DEPTOR: variants seen among roughly 807,000 people sequenced by gnomAD.
The protein encoded by DEPTOR is DEP domain containing MTOR interacting protein.
Under a neutral mutation model 41.6 loss-of-function variants are expected in DEPTOR, and 41 were observed. That is an observed-to-expected ratio of 0.98 (90% CI 0.77 to 1.28). The LOEUF is 1.28. Ranked by LOEUF, DEPTOR falls within the 50% of genes most tolerant of loss-of-function variation. The probability of loss-of-function intolerance (pLI) is 0.00; values close to 1 mark genes in which losing one functional copy is unlikely to be tolerated. For missense variants in DEPTOR, 514 were observed against 527.9 expected, an observed-to-expected ratio of 0.97 and a Z score of 0.26; for synonymous variants, 195 against 192.3, an observed-to-expected ratio of 1.01 and a Z score of -0.12.
At chr8:119,942,684 A>T (rs1052993951) in intron 3 of DEPTOR, among the ~76,000 whole-genome samples, 1 of 152,150 alleles carries the variant, frequency 6.6e-6, no homozygotes, top group African/African-American at 2.4e-5. Context: ...GTAATTTTTC[A>T]ACTTGATAGA....
chr8:119,932,385 G>T (rs1380616616), intron 3 of DEPTOR, among the ~76,000 whole-genome samples: 4 of 151,624 alleles, frequency 2.6e-5, no homozygotes, highest in Non-Finnish European at 5.9e-5. Flanking sequence ...AACTGTTATT[G>T]CTTAATGGGA....
intron 3 of DEPTOR, among the ~76,000 whole-genome samples, chr8:119,952,179 AAG>A (rs930511789): frequency 3.3e-5 from 5 of 152,236 alleles, no homozygotes; most frequent in African/African-American, 9.6e-5. Flanking sequence ...AAGAAAAAAA[AAG>A]AGAGGAAATT....
At chr8:120,033,809 C>T (rs1363808440) in intron 8 of DEPTOR, among the ~76,000 whole-genome samples, 1 of 152,152 alleles carries the variant, frequency 6.6e-6, no homozygotes, top group Non-Finnish European at 1.5e-5. Flanking sequence ...TCTCTTAAGC[C>T]TTTAGAGTGA....
chr8:119,933,816 A>G (rs1244723079), intron 3 of DEPTOR, among the ~76,000 whole-genome samples: 7 of 151,898 alleles, frequency 4.6e-5, no homozygotes, highest in Non-Finnish European at 1.0e-4. Context: ...ACTTTGTGAA[A>G]CTTTGTGGTT....
intron 1 of DEPTOR, among the ~76,000 whole-genome samples, chr8:119,880,434 C>T (rs1020284912): frequency 2.6e-5 from 4 of 152,150 alleles, no homozygotes; most frequent in South Asian, 2.1e-4. Flanking sequence ...CAGAAAGTTA[C>T]GGTAGAGTTG....
At chr8:119,881,351 G>A (rs1314735644) in intron 1 of DEPTOR, among the ~76,000 whole-genome samples, 8 of 152,092 alleles carry the variant, frequency 5.3e-5, no homozygotes, top group Admixed American at 1.3e-4. Flanking sequence ...GTGAAATCCC[G>A]TCTCTGCTAA....
intron 8 of DEPTOR, among the ~76,000 whole-genome samples, chr8:120,035,445 T>A (rs191994728): frequency 1.3e-5 from 2 of 152,116 alleles, no homozygotes; most frequent in African/African-American, 4.8e-5. Flanking sequence ...AAAAGCAAAT[T>A]TTGTATGGGG....
intron 8 of DEPTOR, among the ~76,000 whole-genome samples, chr8:120,037,512 G>C (rs906648907): frequency 2.6e-5 from 4 of 152,134 alleles, no homozygotes; most frequent in South Asian, 2.1e-4. Flanking sequence ...AATGGTGTGT[G>C]GGGGGAGCTT....
intron 4 of DEPTOR, among the ~76,000 whole-genome samples, chr8:119,969,534 T>G (rs1828607204): frequency 6.6e-6 from 1 of 152,004 alleles, no homozygotes; most frequent in African/African-American, 2.4e-5. Context: ...TTTTGTATTT[T>G]TAGTAGACAG....
rs151137048 is a variant in DEPTOR, at chr8:119,977,238, A to G, written c.604+11828A>G. On this transcript the variant is annotated intron_variant, in intron 4 of 8. Coordinates refer to ENST00000286234, the MANE Select transcript of DEPTOR (RefSeq NM_022783.4). ...GGCTGGTCTCAAACTCCTGACCTCA[A>G]GTGATCCGCCCGCCCTAGCCTCCCA... Among the ~76,000 whole-genome samples the G allele has an allele frequency of 1.4e-3, 215 of 152,268 alleles. 2 individuals are homozygous for G. Among genetic ancestry groups the G allele is most frequent in the African/African-American group, 4.7e-3 (194 of 41,558 alleles).
At chr8:119,917,426 C>A (rs1827827611) in intron 1 of DEPTOR, among the ~76,000 whole-genome samples, 1 of 152,130 alleles carries the variant, frequency 6.6e-6, no homozygotes, top group South Asian at 2.1e-4. Context: ...TAACCTTACC[C>A]CCAACCCTGT....
intron 3 of DEPTOR, among the ~76,000 whole-genome samples, chr8:119,936,226 G>C (rs1315886184): frequency 6.6e-6 from 1 of 152,092 alleles, no homozygotes; most frequent in Admixed American, 6.6e-5. Context: ...TACATCCAAA[G>C]AGGCAAAGCC....
In DEPTOR at chr8:119,999,117, G is replaced by T. The variant is rs6991593; in HGVS notation, c.605-2408G>T. ...CGTCTCTACTAAAAATACAAAATTA[G>T]CCAGGTATGGGTGTGGTGGCGCATG... On this transcript the variant is annotated intron_variant, in intron 4 of 8. Coordinates refer to ENST00000286234, the MANE Select transcript of DEPTOR (RefSeq NM_022783.4). 2.1e-3 allele frequency among the ~76,000 whole-genome samples: 315 copies of T among 151,896 alleles called. 1 individual carries two copies. Among genetic ancestry groups the T allele is most frequent in the African/African-American group, 6.9e-3 (288 of 41,470 alleles).
At chr8:119,971,737 A>G (rs1160885354) in intron 4 of DEPTOR, among the ~76,000 whole-genome samples, 4 of 152,150 alleles carry the variant, frequency 2.6e-5, no homozygotes, top group Non-Finnish European at 4.4e-5. Context: ...TCAGTTCAGC[A>G]TATCAAAGTG....
Position 120,050,273 on chromosome 8 carries a change from T to C in DEPTOR, c.*569T>C, listed in dbSNP as rs1348222871. On this transcript the variant is annotated 3_prime_UTR_variant, in exon 9 of 9. Transcript: ENST00000286234. ...GACTTCTTAATTCCTGCCTTTAGTG[T>C]CAACTTTTAAGTTAATACAGGTTTC... is the stretch of plus-strand genomic sequence containing the variant. 1 of 151,812 alleles carries C rather than the reference T, an allele frequency of 6.6e-6. No homozygotes were observed. The highest frequency in any genetic ancestry group is 2.4e-5 in the African/African-American group (1 of 41,268). The allele number at this position is 151,812 out of a possible 1,614,324, so 9.4% of individuals were successfully genotyped here.
intron 4 of DEPTOR, among the ~76,000 whole-genome samples, 194 bp downstream of exon 4, chr8:119,965,604 T>G (rs980011613): frequency 6.6e-6 from 1 of 152,172 alleles, no homozygotes; most frequent in South Asian, 2.1e-4. Context: ...GGACACAGAC[T>G]AAAGGAATAT....
Position 119,873,914 on chromosome 8 carries a change from A to C in DEPTOR, c.68A>C (p.Gln23Pro). 1 of 1,613,710 alleles carries C rather than the reference A, an allele frequency of 6.2e-7. No individual in the cohort carries two copies. ...AGCACCAGCGGGAGTGGCGGGGCGC[A>C]GCAAAGGGAGCTGGAGCGCATGGCT... The part of the protein sequence containing the change: ...DSSTSGSGGA[Q>P]QRELERMAEV... The change falls in exon 1 of 9, where the codon CAG becomes CCG. Residue 23 changes from glutamine to proline, a missense_variant. By Grantham distance (76) the Gln-to-Pro change is moderately conservative. Coordinates refer to ENST00000286234, the MANE Select transcript of DEPTOR (RefSeq NM_022783.4).
At chr8:120,014,524 G>T (rs59461885) in intron 8 of DEPTOR, among the ~76,000 whole-genome samples, 1 of 152,164 alleles carries the variant, frequency 6.6e-6, no homozygotes, top group Non-Finnish European at 1.5e-5. Context: ...CCTTCCCCAA[G>T]CTATTTTTTT....
rs142466508 is a variant in DEPTOR at position 120,009,076 on chromosome 8, G to A, written c.1044G>A (p.Lys348=). The A allele has an allele frequency of 8.6e-5, 139 of 1,614,088 alleles. No individual in the cohort carries two copies. In the Middle Eastern group the frequency reaches 5.3e-3, roughly 61 times the overall value. ...GGGGTTTTGTGGTGCGAGGAAGTAA[G>A]CCATGCCACATCCAGGCTGTAGACC... ...VGWGFVVRGS[K]PCHIQAVDPS... Residue 348 remains lysine (K), a synonymous_variant, in exon 8 of 9, where the codon AAG becomes AAA. Coordinates refer to ENST00000286234, the MANE Select transcript of DEPTOR (RefSeq NM_022783.4).
Sources: allele counts gnomAD v4.1 joint callset (sites outside exome capture counted in the v4.1 genomes callset), GRCh38; gene constraint gnomAD v4.1.1; transcripts MANE v1.5; gene names NCBI Gene and HGNC (gene_info 2026-07-23, HGNC 2026-07-21).